Variants in SMCO2 observed in about 807,000 individuals in gnomAD.
SMCO2 encodes single-pass membrane protein with coiled-coil domains 2, also known as single-pass membrane and coiled-coil domain-containing protein 2.
SMCO2 carries 25 observed loss-of-function variants against 29.5 expected under a neutral mutation model. That is an observed-to-expected ratio of 0.85 (90% CI 0.62 to 1.18). The LOEUF is 1.18. Among genes scored for constraint, SMCO2 ranks in the 50% most tolerant of loss-of-function variants. The probability of loss-of-function intolerance (pLI) is 0.00; values close to 1 mark genes in which losing one functional copy is unlikely to be tolerated. For missense variants in SMCO2, 348 were observed against 344.5 expected (o/e 1.01, Z -0.08); for synonymous variants, 117 against 123.3 (o/e 0.95, Z 0.34).
chr12:27,465,028 CAAAAAAA>C (rs35630976), upstream of SMCO2, among the ~76,000 whole-genome samples: 6 of 60,564 alleles, frequency 9.9e-5, no homozygotes, highest in South Asian at 1.9e-3. Flanking sequence ...GACCCTGTCT[CAAAAAAA>C]AAAAAAAAAA....
At chr12:27,474,566 C>T (rs143378552) in intron 3 of SMCO2, among the ~76,000 whole-genome samples, 20 of 152,214 alleles carry the variant, frequency 1.3e-4, no homozygotes, top group African/African-American at 4.6e-4. Context: ...AAGAGCTCTC[C>T]GTGTGGACAC....
At chr12:27,463,557 G>T (rs529014264), upstream of SMCO2, among the ~76,000 whole-genome samples, 1 of 152,104 alleles carries the variant, frequency 6.6e-6, no homozygotes, top group Non-Finnish European at 1.5e-5. Context: ...GTGAGCCACC[G>T]TGCCAGGCTT....
intron 3 of SMCO2, among the ~76,000 whole-genome samples, chr12:27,474,544 A>G (rs922204193): frequency 6.6e-6 from 1 of 152,166 alleles, no homozygotes; most frequent in African/African-American, 2.4e-5. Context: ...TCGATTACTC[A>G]TCAGGACTGA....
chr12:27,499,003 G>A lies in SMCO2; in HGVS notation c.684-2920G>A, dbSNP rs565047331. Among the ~76,000 whole-genome samples, 21 of 150,742 alleles carry A rather than the reference G, an allele frequency of 1.4e-4. 1 individual carries two copies. The highest frequency in any genetic ancestry group is 2.4e-4 in the Non-Finnish European group (16 of 67,882). ...TATATCACTGGTGGGATTGCGAAAT[G>A]GTACAACCACTTTTGAAAACAACTT... On this transcript the variant is annotated intron_variant, in intron 7 of 7. Coordinates refer to ENST00000298876, the Ensembl canonical transcript of SMCO2.
chr12:27,498,211 CT>C, intron 7 of SMCO2: 2 of 324,018 alleles, frequency 6.2e-6, no homozygotes, highest in Admixed American at 3.3e-5. Context: ...CAGCTGCTTA[CT>C]TTTTGTGTGG....
the SMCO2 span, among the ~76,000 whole-genome samples, chr12:27,444,880 T>C: frequency 3.4e-3 from 516 of 152,322 alleles, 1 homozygote; most frequent in African/African-American, 0.012. Flanking sequence ...AAGAGATAGC[T>C]GCACGCCCGT....
intron 6 of SMCO2, among the ~76,000 whole-genome samples, 169 bp from the exon 8 acceptor site, chr12:27,495,511 C>T (rs1942988564): frequency 6.6e-6 from 1 of 150,530 alleles, no homozygotes; most frequent in Admixed American, 6.6e-5. Context: ...ATGTGTATGT[C>T]TGCTTCTATT....
At chr12:27,475,766 G>C (rs1480617309) in intron 4 of SMCO2, 35 bp downstream of exon 5, 1 of 1,428,872 alleles carries the variant, frequency 7.0e-7, no homozygotes, top group Non-Finnish European at 9.1e-7. Flanking sequence ...TCATAAAATA[G>C]CAGAAAGTTT....
intron 4 of SMCO2, among the ~76,000 whole-genome samples, chr12:27,483,444 G>A (rs1348900499): frequency 6.6e-6 from 1 of 151,760 alleles, no homozygotes; most frequent in African/African-American, 2.4e-5. Context: ...TTTCGAGACA[G>A]TCTTGCTCTG....
chr12:27,475,641 T>C, intron 4 of SMCO2: 1 of 1,550,232 alleles, frequency 6.5e-7, no homozygotes, highest in Non-Finnish European at 8.7e-7. Context: ...GGTCTCCAGG[T>C]GAAAGAACTT....
chr12:27,494,487 TTTATTA>T (rs60980302), intron 6 of SMCO2, 131 bp downstream of exon 7: 18,173 of 176,288 alleles, frequency 0.1, 1,083 homozygotes, highest in East Asian at 0.28. Context: ...TTTAATTTAA[TTTATTA>T]TTATTATTAT....
chr12:27,461,329 T>G, the SMCO2 span, among the ~76,000 whole-genome samples: 5 of 152,180 alleles, frequency 3.3e-5, no homozygotes, highest in Admixed American at 3.3e-4. Context: ...TCACGGGGGT[T>G]TGGTGTACAG....
chr12:27,437,942 A>T, the SMCO2 span, among the ~76,000 whole-genome samples: 40 of 152,044 alleles, frequency 2.6e-4, no homozygotes, highest in Admixed American at 2.6e-3. Context: ...TCACAAACAC[A>T]ATCATCCTTA....
At chr12:27,494,855 A>G (rs1435096108) in intron 6 of SMCO2, among the ~76,000 whole-genome samples, 2 of 151,930 alleles carry the variant, frequency 1.3e-5, no homozygotes, top group Non-Finnish European at 2.9e-5. Context: ...CCAACAGAAC[A>G]TTCACAATTC....
At chr12:27,493,537 A>C (rs938936423) in intron 5 of SMCO2, among the ~76,000 whole-genome samples, 1 of 152,154 alleles carries the variant, frequency 6.6e-6, no homozygotes, top group Admixed American at 6.5e-5. Flanking sequence ...TGTCTCAAAA[A>C]AAAAAAATTA....
At chr12:27,462,498 C>A (rs1949466236), upstream of SMCO2, among the ~76,000 whole-genome samples, 1 of 152,192 alleles carries the variant, frequency 6.6e-6, no homozygotes, top group African/African-American at 2.4e-5. Context: ...ATGTATTTGA[C>A]TCCTCCAGAC....
exon 5 of SMCO2, chr12:27,488,480 C>T: frequency 1.3e-6 from 2 of 1,537,468 alleles, no homozygotes; most frequent in South Asian, 1.2e-5. Flanking sequence ...GACATGCTGA[C>T]CCTGAAGGGT....
At chr12:27,433,794 C>T in the SMCO2 span, among the ~76,000 whole-genome samples, 1 of 152,194 alleles carries the variant, frequency 6.6e-6, no homozygotes, top group Admixed American at 6.5e-5. Flanking sequence ...TATGTGTTTA[C>T]ATAGATACAG....
At chr12:27,439,970 G>T in the SMCO2 span, among the ~76,000 whole-genome samples, 1 of 152,150 alleles carries the variant, frequency 6.6e-6, no homozygotes, top group Admixed American at 6.5e-5. Context: ...ACTTGAGAAA[G>T]ATATAAATGT....
Sources: gnomAD v4.1 joint callset for allele counts (sites outside exome capture counted in the v4.1 genomes callset) on GRCh38, gnomAD v4.1.1 for gene constraint, MANE v1.5 for transcripts, NCBI Gene and HGNC (gene_info 2026-07-23, HGNC 2026-07-21) for gene names.